Variants in PCDHA3 observed in about 807,000 individuals in gnomAD.
PCDHA3 encodes the protein protocadherin alpha 3.
PCDHA3 carries 41 observed loss-of-function variants against 62.2 expected under a neutral mutation model. That is an observed-to-expected ratio of 0.66 (90% CI 0.51 to 0.86). PCDHA3 has a LOEUF of 0.86. PCDHA3 is among the 40% of genes least tolerant of loss of function. The pLI is 0.00. For missense variants in PCDHA3, 1,304 were observed against 1,241.2 expected (o/e 1.05, Z -0.76); for synonymous variants, 640 against 555.4 (o/e 1.15, Z -2.14).
At chr5:141,009,604 A>T (rs782247768) in intron 3 of PCDHA3, 23 bp from the exon 4 acceptor site, 2 of 1,608,944 alleles carry the variant, frequency 1.2e-6, no homozygotes, top group East Asian at 4.5e-5. Context: ...CCTGTTAATG[A>T]TTTGTAATGT....
intron 1 of PCDHA3, chr5:140,857,764 G>C (rs552891884): frequency 2.5e-6 from 4 of 1,597,520 alleles, no homozygotes; most frequent in Non-Finnish European, 3.4e-6. Context: ...CTGGCAGCGC[G>C]GGCGGTGCAG....
chr5:140,828,695 A>G (rs2150158000), intron 1 of PCDHA3: 1 of 1,614,236 alleles, frequency 6.2e-7, no homozygotes, highest in South Asian at 1.1e-5. Flanking sequence ...ATCCTTGGAC[A>G]GAGAGGAAGC....
intron 1 of PCDHA3, among the ~76,000 whole-genome samples, chr5:140,935,092 C>T (rs1015892831): frequency 2.6e-5 from 4 of 152,100 alleles, no homozygotes; most frequent in Non-Finnish European, 5.9e-5. Context: ...TTCCCAGAAT[C>T]AGCCATTTTT....
At chr5:140,879,047 A>G (rs931436432) in intron 1 of PCDHA3, among the ~76,000 whole-genome samples, 1 of 152,238 alleles carries the variant, frequency 6.6e-6, no homozygotes, top group African/African-American at 2.4e-5. Flanking sequence ...AAAGATAGAC[A>G]ACATTTTACC....
chr5:140,877,217 C>A (rs571871387), intron 1 of PCDHA3: 2 of 1,613,742 alleles, frequency 1.2e-6, no homozygotes, highest in African/African-American at 1.3e-5. Flanking sequence ...GAGTTGGTAC[C>A]GCGGTCGGTG....
chr5:140,899,607 TC>T (rs1301087468), intron 1 of PCDHA3, among the ~76,000 whole-genome samples: 11 of 152,322 alleles, frequency 7.2e-5, no homozygotes, highest in African/African-American at 2.6e-4. Flanking sequence ...GACTTTTGCA[TC>T]AATGTTCATC....
At chr5:140,857,758 C>T (rs1562528719) in intron 1 of PCDHA3, 2 of 1,597,374 alleles carry the variant, frequency 1.3e-6, no homozygotes, top group Admixed American at 1.7e-5. Flanking sequence ...CTCCCGCTGG[C>T]AGCGCGGGCG....
At chr5:140,990,429 C>A (rs2097393514) in intron 3 of PCDHA3, among the ~76,000 whole-genome samples, 1 of 152,144 alleles carries the variant, frequency 6.6e-6, no homozygotes, top group African/African-American at 2.4e-5. Context: ...CAGCATTGAC[C>A]CAATCTTGTG....
chr5:140,807,203 G>GGAAGCGGCCAGGAATCCCGGC (rs782301855), intron 1 of PCDHA3: 2 of 1,613,738 alleles, frequency 1.2e-6, no homozygotes, highest in South Asian at 2.2e-5. Flanking sequence ...GTTTTCCTGG[G>GGAAGCGGCCAGGAATCCCGGC]GAAGCGGCCA....
intron 1 of PCDHA3, chr5:140,883,984 C>T: frequency 2.5e-6 from 4 of 1,612,818 alleles, no homozygotes. Context: ...GGGCTGGCAG[C>T]GCGGGAGGCA....
chr5:140,802,826 G>A lies in PCDHA3; in HGVS notation c.1629G>A (p.Pro543=), dbSNP rs1554122392. The change falls in exon 1 of 4, where the codon CCG becomes CCA. Residue 543 remains proline, a synonymous_variant. Coordinates refer to ENST00000522353, the MANE Select transcript of PCDHA3 (RefSeq NM_018906.3). ...FQVSARDAGV[P]PLGSNVTLQV... is the part of the protein sequence containing the mutation. ...TGAGTGCGCGCGATGCGGGCGTGCC[G>A]CCTCTGGGCAGCAACGTGACGCTGC... 3.7e-6 allele frequency: 6 copies of A among 1,613,472 alleles called. No homozygotes were observed. The highest frequency in any genetic ancestry group is 1.7e-4 in the Middle Eastern group (1 of 5,994).
intron 1 of PCDHA3, among the ~76,000 whole-genome samples, chr5:140,962,908 C>G (rs2095718284): frequency 1.3e-5 from 2 of 152,146 alleles, no homozygotes. Context: ...AGCTCCTTCC[C>G]TATTTGACAG....
chr5:140,939,283 GATCTAATC>G lies in PCDHA3; in HGVS notation c.2395-39661_2395-39654del, dbSNP rs1257109202. ...TCTTTTATGAGAGCTGTGCCCTCGT[GATCTAATC>G]ATCTCTACAAAAGCCCTACCTCCTA... On this transcript the variant is annotated intron_variant, in intron 1 of 3. Coordinates refer to ENST00000522353, the MANE Select transcript of PCDHA3 (RefSeq NM_018906.3). Among the ~76,000 whole-genome samples the G allele has an allele frequency of 2.0e-5, 3 of 152,184 alleles. No homozygotes were observed. In the East Asian group the frequency reaches 5.8e-4, roughly 29 times the overall value.
intron 1 of PCDHA3, chr5:140,854,181 AGTT>A: frequency 2.3e-6 from 1 of 434,280 alleles, no homozygotes; most frequent in Non-Finnish European, 3.0e-6. Context: ...AAAAAAGAGT[AGTT>A]TAACTACTCC....
Position 140,843,081 on chromosome 5 carries a change from C to G in PCDHA3, c.2394+39490C>G, listed in dbSNP as rs2150352051. 5.6e-6 allele frequency: 9 copies of G among 1,595,424 alleles called. No homozygotes were observed. The African/African-American group carries it at 8.1e-5, about 14-fold the overall frequency. ...AAGCTGGTGCCGCGGTCTGTGGGCG[C>G]GGGCCACGTGGTAGCGAAGGTGCGC... On this transcript the variant is annotated intron_variant, in intron 1 of 3. Coordinates refer to ENST00000522353, the MANE Select transcript of PCDHA3 (RefSeq NM_018906.3).
intron 1 of PCDHA3, among the ~76,000 whole-genome samples, chr5:140,900,525 C>A (rs1322679465): frequency 6.6e-6 from 1 of 152,232 alleles, no homozygotes; most frequent in East Asian, 1.9e-4. Context: ...GATCTGCCCA[C>A]CTCGGCTTTC....
intron 1 of PCDHA3, among the ~76,000 whole-genome samples, chr5:140,950,741 C>A (rs149114023): frequency 1.3e-5 from 2 of 152,006 alleles, no homozygotes; most frequent in African/African-American, 4.8e-5. Flanking sequence ...ATCCTAATTT[C>A]TCTCTATCCT....
At chr5:140,893,593 T>C (rs1433494751) in intron 1 of PCDHA3, among the ~76,000 whole-genome samples, 5 of 152,244 alleles carry the variant, frequency 3.3e-5, no homozygotes, top group African/African-American at 1.2e-4. Context: ...TGGGAAATAC[T>C]TTATTTCTCC....
chr5:140,887,670 C>T (rs368430565), intron 1 of PCDHA3, among the ~76,000 whole-genome samples: 1 of 151,988 alleles, frequency 6.6e-6, no homozygotes, highest in Non-Finnish European at 1.5e-5. Context: ...GTGGATTTAT[C>T]ATTTTCATCA....
Sources: allele counts gnomAD v4.1 joint callset (sites outside exome capture counted in the v4.1 genomes callset), GRCh38; gene constraint gnomAD v4.1.1; transcripts MANE v1.5; gene names NCBI Gene and HGNC (gene_info 2026-07-23, HGNC 2026-07-21).